Variants in TSKU observed in about 807,000 individuals in gnomAD.
The protein encoded by TSKU is tsukushi.
In TSKU, 4 loss-of-function variants were observed where a neutral mutation model predicts 11.2. The observed-to-expected ratio is 0.36, with a 90% CI of 0.18 to 0.82. TSKU has a LOEUF of 0.82. TSKU is among the 40% of genes least tolerant of loss of function. The pLI, the probability that TSKU is intolerant of heterozygous loss-of-function variation, is 0.50. For missense variants in TSKU, 407 were observed against 482.5 expected (o/e 0.84, Z 1.47); for synonymous variants, 220 against 232.2 (o/e 0.95, Z 0.48).
At chr11:76,788,273 G>A (rs1944331429) in intron 1 of TSKU, among the ~76,000 whole-genome samples, 1 of 152,028 alleles carries the variant, frequency 6.6e-6, no homozygotes, top group African/African-American at 2.4e-5. Flanking sequence ...TGTGCCAACA[G>A]TGCCCTGTGG....
chr11:76,789,067 G>T (rs1306245754), intron 1 of TSKU, among the ~76,000 whole-genome samples: 1 of 152,204 alleles, frequency 6.6e-6, no homozygotes, highest in Non-Finnish European at 1.5e-5. Flanking sequence ...CAGGTCCCAG[G>T]TCCTGGGCCC....
Position 76,795,832 on chromosome 11 carries a change from G to C in TSKU, c.216G>C (p.Met72Ile). 1 of 1,614,062 alleles carries C rather than the reference G, an allele frequency of 6.2e-7. No individual in the cohort carries two copies. Among genetic ancestry groups the C allele is most frequent in the Non-Finnish European group, 8.5e-7 (1 of 1,180,022 alleles). The change falls in exon 2 of 2, where the codon ATG (methionine) becomes ATC (isoleucine). Residue 72 changes from methionine (M) to isoleucine (I), a missense_variant. Transcript: ENST00000333090. ...ACCTGTCCTCCAACCGGCTGGAGATGGTGAATGAGTCGGTGTTGGCGGGGC... is the reference window on the plus strand; with the variant it reads ...ACCTGTCCTCCAACCGGCTGGAGATCGTGAATGAGTCGGTGTTGGCGGGGC... The part of the protein sequence containing the change: ...HLDLSSNRLE[M>I]VNESVLAGPG...
Position 76,795,789 on chromosome 11 carries a change from T to G in TSKU, c.173T>G (p.Leu58Arg). The G allele has an allele frequency of 1.9e-6, 3 of 1,614,172 alleles. No individual in the cohort carries two copies. The highest frequency in any genetic ancestry group is 2.5e-6 in the Non-Finnish European group (3 of 1,180,032). The change falls in exon 2 of 2, where the codon CTG (leucine) becomes CGG (arginine). Residue 58 changes from leucine (L) to arginine (R), a missense_variant. Coordinates refer to ENST00000333090, the MANE Select transcript of TSKU (RefSeq NM_015516.4). ...CACATCATGCCGGTGCCCATCCCTC[T>G]GGACACAGCCCACTTGGACCTGTCC... ...GPHIMPVPIP[L>R]DTAHLDLSSN...
chr11:76,791,515 C>A (rs1037546031), intron 1 of TSKU, among the ~76,000 whole-genome samples: 5 of 113,724 alleles, frequency 4.4e-5, no homozygotes, highest in Admixed American at 4.1e-4. Context: ...GACTTGGTGT[C>A]CTGTGTCCCA....
intron 1 of TSKU, among the ~76,000 whole-genome samples, chr11:76,790,688 A>G: frequency 6.6e-6 from 1 of 152,194 alleles, no homozygotes; most frequent in Admixed American, 6.5e-5. Flanking sequence ...CATGATTGTG[A>G]GACCTTCCCC....
chr11:76,794,580 C>T (rs1309807693), intron 1 of TSKU, among the ~76,000 whole-genome samples: 2 of 152,244 alleles, frequency 1.3e-5, no homozygotes, highest in African/African-American at 2.4e-5. Flanking sequence ...CTCTCTGAGC[C>T]TCTGTTTCTT....
At chr11:76,787,392 G>A (rs1944323177) in intron 1 of TSKU, among the ~76,000 whole-genome samples, 1 of 152,210 alleles carries the variant, frequency 6.6e-6, no homozygotes, top group Admixed American at 6.5e-5. Context: ...ACAGGTCCCT[G>A]CGATCATGTC....
At chr11:76,792,219 C>T (rs1421830535) in intron 1 of TSKU, 2 of 152,258 alleles carry the variant, frequency 1.3e-5, no homozygotes, top group Non-Finnish European at 2.9e-5. Flanking sequence ...TTGAACTTGC[C>T]TGGGGCCTGT....
intron 1 of TSKU, among the ~76,000 whole-genome samples, chr11:76,790,897 G>A (rs943557090): frequency 1.3e-5 from 2 of 152,166 alleles, no homozygotes; most frequent in African/African-American, 4.8e-5. Flanking sequence ...GGAACAGTTT[G>A]GAGGGTTCAG....
intron 1 of TSKU, among the ~76,000 whole-genome samples, chr11:76,787,378 G>T (rs1944323046): frequency 6.6e-6 from 1 of 152,172 alleles, no homozygotes. Context: ...AAGTTGCTAG[G>T]CTTACAGGTC....
chr11:76,796,745 TA>T lies in TSKU; in HGVS notation c.*68del. 1 of 1,273,570 alleles carries T rather than the reference TA, an allele frequency of 7.9e-7. No individual in the cohort carries two copies. Among genetic ancestry groups the T allele is most frequent in the Non-Finnish European group, 1.0e-6 (1 of 955,086 alleles). 78.9% of individuals were successfully genotyped at this position (1,273,570 alleles called of 1,614,324 possible). ...GGGCTGCCTCAGGTCCCGAGTAACT[TA>T]TGTTCAATGTGCCAACACCAGTGGG... On this transcript the variant is annotated 3_prime_UTR_variant, in exon 2 of 2. Coordinates refer to ENST00000333090, the MANE Select transcript of TSKU (RefSeq NM_015516.4). The surrounding 1 kb of genome is among the most constrained non-coding windows in gnomAD (Gnocchi z 4.1).
At chr11:76,785,509 C>T (rs1020051187) in intron 1 of TSKU, among the ~76,000 whole-genome samples, 4 of 152,162 alleles carry the variant, frequency 2.6e-5, no homozygotes, top group African/African-American at 9.7e-5. Flanking sequence ...ACAGGGGAGG[C>T]AGGAAGAATC....
chr11:76,788,035 C>T (rs1944328568), intron 1 of TSKU, among the ~76,000 whole-genome samples: 1 of 152,220 alleles, frequency 6.6e-6, no homozygotes, highest in South Asian at 2.1e-4. Context: ...GCCCTCAGGG[C>T]TCCGGGAGTC....
In TSKU at chr11:76,796,673, T is replaced by C. The variant is rs1944457413; in HGVS notation, c.1057T>C (p.Leu353=). ...RDSAARGPTI[L] ...TTCTGCTGCCAGGGGCCCCACCATC[T>C]TGTGACAAATGGTGTGGCCCAGGGC... Residue 353 remains leucine (L), a synonymous_variant, in exon 2 of 2, where the codon TTG becomes CTG. Coordinates refer to ENST00000333090, the MANE Select transcript of TSKU (RefSeq NM_015516.4). The surrounding 1 kb of genome is among the most constrained non-coding windows in gnomAD (Gnocchi z 4.1). 2 of 1,449,350 alleles carry C rather than the reference T, an allele frequency of 1.4e-6. No individual in the cohort carries two copies. Among genetic ancestry groups the C allele is most frequent in the Admixed American group, 5.7e-5 (2 of 34,940 alleles). 89.8% of individuals were successfully genotyped at this position (1,449,350 alleles called of 1,614,324 possible).
At chr11:76,792,198 C>T (rs971593631) in intron 1 of TSKU, 16 of 152,208 alleles carry the variant, frequency 1.1e-4, no homozygotes, top group African/African-American at 3.6e-4. Flanking sequence ...ATTTGACTGC[C>T]CTGCTGGATT....
At chr11:76,789,902 AC>A (rs1214700337) in intron 1 of TSKU, among the ~76,000 whole-genome samples, 1 of 152,006 alleles carries the variant, frequency 6.6e-6, no homozygotes, top group Non-Finnish European at 1.5e-5. Flanking sequence ...CACACCTGGG[AC>A]TAGAGCCCCA....
chr11:76,784,902 C>T (rs1051742956), intron 1 of TSKU, among the ~76,000 whole-genome samples: 1 of 152,234 alleles, frequency 6.6e-6, no homozygotes, highest in African/African-American at 2.4e-5. Flanking sequence ...GCACAGGCCG[C>T]TAACCTGGGA....
chr11:76,787,285 A>C lies in TSKU; in HGVS notation c.-9+3881A>C, dbSNP rs540182408. Among the ~76,000 whole-genome samples the C allele has an allele frequency of 6.6e-5, 10 of 152,290 alleles. No homozygotes were observed. In the South Asian group the frequency reaches 1.9e-3, roughly 28 times the overall value. ...TGCCTCAGGTTGATGGGAACTTGAAAATCTTCAAGAAGAAGACATATTGAA... is the reference window on the plus strand; with the variant it reads ...TGCCTCAGGTTGATGGGAACTTGAACATCTTCAAGAAGAAGACATATTGAA... On this transcript the variant is annotated intron_variant, in intron 1 of 1. Transcript: ENST00000333090.
chr11:76,785,745 G>A (rs568303153), intron 1 of TSKU, among the ~76,000 whole-genome samples: 3 of 152,220 alleles, frequency 2.0e-5, no homozygotes, highest in East Asian at 1.9e-4. Context: ...GGCACAGCAG[G>A]GTGCGGTTGG....
Sources: allele counts gnomAD v4.1 joint callset (sites outside exome capture counted in the v4.1 genomes callset), GRCh38; gene constraint gnomAD v4.1.1; non-coding constraint Gnocchi (gnomAD v3.1); transcripts MANE v1.5; gene names NCBI Gene and HGNC (gene_info 2026-07-23, HGNC 2026-07-21).